The following TANC1 variants were observed in gnomAD, a reference collection of about 807,000 sequenced individuals.
TANC1 encodes the protein protein TANC1.
A neutral mutation model predicts 149.7 loss-of-function variants in TANC1; 77 were observed. The observed-to-expected ratio is 0.51, with a 90% confidence interval of 0.43 to 0.62. TANC1 has a LOEUF of 0.62. TANC1 is among the 20% of genes least tolerant of loss of function. The pLI, the probability that TANC1 is intolerant of heterozygous loss-of-function variation, is 0.00. For missense variants in TANC1, 1,985 were observed against 2,321.8 expected, an observed-to-expected ratio of 0.85 and a Z score of 2.98; for synonymous variants, 854 against 925.0, an observed-to-expected ratio of 0.92 and a Z score of 1.39.
intron 2 of TANC1, among the ~76,000 whole-genome samples, chr2:159,015,061 G>T (rs2038129909): frequency 6.6e-6 from 1 of 152,332 alleles, no homozygotes; most frequent in South Asian, 2.1e-4. Flanking sequence ...GGGACTTTGT[G>T]TGGGGGCTCT....
intron 4 of TANC1, among the ~76,000 whole-genome samples, chr2:159,125,172 TACA>T (rs879505831): frequency 0.29 from 44,052 of 151,926 alleles, 6,597 homozygotes; most frequent in South Asian, 0.41. Flanking sequence ...GTTCTGCCCA[TACA>T]GATTTATTAG....
intron 1 of TANC1, among the ~76,000 whole-genome samples, chr2:158,996,281 G>A (rs1387121116): frequency 6.6e-6 from 1 of 152,130 alleles, no homozygotes; most frequent in Non-Finnish European, 1.5e-5. Context: ...GATCACTTGA[G>A]CCTAGGAGGT....
intron 2 of TANC1, among the ~76,000 whole-genome samples, chr2:159,023,236 T>C (rs2149437312): frequency 6.6e-6 from 1 of 152,302 alleles, no homozygotes; most frequent in Admixed American, 6.5e-5. Flanking sequence ...ACATTCTAGG[T>C]AGAATTCTCT....
At chr2:158,970,451 C>T (rs534134329) in intron 1 of TANC1, among the ~76,000 whole-genome samples, 2 of 152,172 alleles carry the variant, frequency 1.3e-5, no homozygotes, top group South Asian at 2.1e-4. Flanking sequence ...AGTTTATGAG[C>T]GGCTGAGACT....
intron 18 of TANC1, among the ~76,000 whole-genome samples, chr2:159,198,605 T>C (rs528733831): frequency 1.3e-4 from 20 of 152,382 alleles, no homozygotes; most frequent in African/African-American, 4.6e-4. Context: ...CGCTTTGTTT[T>C]CCTTCCTTGT....
intron 4 of TANC1, among the ~76,000 whole-genome samples, chr2:159,119,022 T>C (rs988073759): frequency 2.0e-4 from 31 of 152,320 alleles, no homozygotes; most frequent in African/African-American, 7.5e-4. Flanking sequence ...CTGGTAAGCC[T>C]TTTTGTCTCT....
intron 3 of TANC1, among the ~76,000 whole-genome samples, chr2:159,082,411 C>T (rs796776746): frequency 1.6e-4 from 24 of 151,064 alleles, no homozygotes; most frequent in African/African-American, 5.6e-4. Flanking sequence ...AGTGCCTGAA[C>T]CACAGTAAGC....
chr2:158,986,983 T>TGAG (rs2035070975), intron 1 of TANC1, among the ~76,000 whole-genome samples: 1 of 148,276 alleles, frequency 6.7e-6, no homozygotes, highest in Non-Finnish European at 1.5e-5. Flanking sequence ...ACGTGGAGAG[T>TGAG]GAGGAGTGAT....
intron 4 of TANC1, among the ~76,000 whole-genome samples, chr2:159,115,194 G>GTGTA (rs1553558938): frequency 3.3e-5 from 5 of 151,804 alleles, no homozygotes; most frequent in Non-Finnish European, 5.9e-5. Context: ...GTGTGTGTGT[G>GTGTA]TGTATGTGTG....
rs57208685 is a variant in TANC1, at chr2:159,046,589, CTTTTTTTTTTTTTT to C, written c.-15-19292_-15-19279del. On this transcript the variant is annotated intron_variant, in intron 2 of 26. Transcript: ENST00000263635. ...ATGCACCATTCTTTTCTTTTCTTTA[CTTTTTTTTTTTTTT>C]TTTTTTTTTTTTTTGAGGCAGGGTC... Among the ~76,000 whole-genome samples the C allele has an allele frequency of 1.3e-3, 110 of 84,388 alleles. 1 individual carries two copies. In the Middle Eastern group the frequency reaches 0.024, roughly 18 times the overall value. The allele number at this position is 84,388 out of a possible 152,430, so 55.4% of individuals were successfully genotyped here. A position where few individuals can be genotyped will look rare whatever the true frequency, so the allele number is the denominator to read the frequency against.
In TANC1 at chr2:159,230,541, T is replaced by A. The variant is rs2060283759; in HGVS notation, c.5115T>A (p.Val1705=). 1.9e-6 allele frequency: 3 copies of A among 1,614,078 alleles called. No individual in the cohort carries two copies. Among genetic ancestry groups the A allele is most frequent in the Non-Finnish European group, 1.7e-6 (2 of 1,180,044 alleles). Residue 1705 remains valine (V), a synonymous_variant, in exon 27 of 27, where the codon GTT becomes GTA. Coordinates refer to ENST00000263635, the MANE Select transcript of TANC1 (RefSeq NM_033394.3). The surrounding 1 kb of genome is among the most constrained non-coding windows in gnomAD (Gnocchi z 4.4). ...QGPDTRIKDK[V]VTHVQSGTAE... ...CAGATACTAGAATTAAAGACAAGGT[T>A]GTAACCCACGTTCAGAGCGGTACAG... is the stretch of plus-strand genomic sequence containing the variant.
intron 1 of TANC1, among the ~76,000 whole-genome samples, chr2:158,979,258 G>A (rs1319362901): frequency 2.0e-5 from 3 of 152,108 alleles, no homozygotes; most frequent in African/African-American, 7.2e-5. Flanking sequence ...GGAGGCTGAG[G>A]TAGGAGGATC....
intron 2 of TANC1, among the ~76,000 whole-genome samples, chr2:159,006,745 G>A (rs1197912283): frequency 6.6e-6 from 1 of 152,094 alleles, no homozygotes; most frequent in African/African-American, 2.4e-5. Context: ...TATTTCTTTG[G>A]AGTTATATGT....
At chr2:159,034,701 A>G (rs924725321) in intron 2 of TANC1, among the ~76,000 whole-genome samples, 3 of 152,224 alleles carry the variant, frequency 2.0e-5, no homozygotes, top group Admixed American at 6.5e-5. Context: ...ACAGATCCCC[A>G]TGAAGTTCTC....
chr2:159,002,761 T>C (rs2036739059), intron 2 of TANC1, among the ~76,000 whole-genome samples: 2 of 152,354 alleles, frequency 1.3e-5, no homozygotes, highest in East Asian at 3.9e-4. Flanking sequence ...TGCTGGTGGT[T>C]CTACAATCTG....
At chr2:159,177,190 A>G (rs1272616094) in intron 13 of TANC1, among the ~76,000 whole-genome samples, 1 of 152,166 alleles carries the variant, frequency 6.6e-6, no homozygotes, top group Non-Finnish European at 1.5e-5. Context: ...GATTACAGGC[A>G]TGAGCCACTG....
chr2:159,006,860 T>C lies in TANC1; in HGVS notation c.-16+5671T>C, dbSNP rs190675569. 7.9e-5 allele frequency among the ~76,000 whole-genome samples: 12 copies of C among 152,310 alleles called. 1 individual carries two copies. Among genetic ancestry groups the C allele is most frequent in the Admixed American group, 7.2e-4 (11 of 15,302 alleles). ...CTGGCCATCTGTCTAAAAATATTGG[T>C]GAGGTATCACAAACTCCTAAGGATT... On this transcript the variant is annotated intron_variant, in intron 2 of 26. Coordinates refer to ENST00000263635, the MANE Select transcript of TANC1 (RefSeq NM_033394.3).
chr2:159,147,906 G>T (rs921077870), intron 5 of TANC1: 12 of 152,120 alleles, frequency 7.9e-5, no homozygotes, highest in Non-Finnish European at 1.6e-4. Context: ...AAACTGATAT[G>T]TGAGTGACAA....
intron 16 of TANC1, among the ~76,000 whole-genome samples, chr2:159,188,464 C>T (rs2057185108): frequency 6.6e-6 from 1 of 152,236 alleles, no homozygotes; most frequent in Non-Finnish European, 1.5e-5. Context: ...CCACTGGAGT[C>T]CCATCCAGCC....
Sources: allele counts gnomAD v4.1 joint callset (sites outside exome capture counted in the v4.1 genomes callset), GRCh38; gene constraint gnomAD v4.1.1; non-coding constraint Gnocchi (gnomAD v3.1); transcripts MANE v1.5; gene names NCBI Gene and HGNC (gene_info 2026-07-23, HGNC 2026-07-21).